Variants in ZNF155 observed in about 807,000 individuals in gnomAD.
The protein encoded by ZNF155 is KRAB A domain.
In ZNF155, 15 loss-of-function variants were observed where a neutral mutation model predicts 11.9. The ratio of observed to expected loss-of-function variants is 1.26; its 90% CI spans 0.84 to 1.94. ZNF155 has a LOEUF of 1.94. ZNF155 is among the 30% of genes most tolerant of loss of function. ZNF155 has a pLI of 0.00. For synonymous variants in ZNF155, 212 were observed against 219.9 expected (o/e 0.96, Z 0.32); for missense variants, 602 against 639.1 (o/e 0.94, Z 0.63).
At position 43,997,625 on chromosome 19, in the gene ZNF155, G is replaced by A. The variant is rs1036773621; in HGVS notation, c.*151G>A. Reference sequence around the variant, plus strand: ...AAAATCCATTTGAGAGGAGTTGGTAGACAGCAAGGGAAGGGTCCCTGGAGA... The same window carrying A: ...AAAATCCATTTGAGAGGAGTTGGTAAACAGCAAGGGAAGGGTCCCTGGAGA... On this transcript the variant is annotated 3_prime_UTR_variant, in exon 5 of 5. Coordinates refer to ENST00000270014, the MANE Select transcript of ZNF155 (RefSeq NM_198089.3). 2.0e-5 allele frequency: 16 copies of A among 784,866 alleles called. No homozygotes were observed. The highest frequency in any genetic ancestry group is 1.6e-4 in the South Asian group (8 of 49,566). The allele number at this position is 784,866 out of a possible 1,614,324, so 48.6% of individuals were successfully genotyped here.
chr19:43,996,169 G>A lies in ZNF155; in HGVS notation c.312G>A (p.Trp104Ter). 2.5e-6 allele frequency: 4 copies of A among 1,614,066 alleles called. No homozygotes were observed. Among genetic ancestry groups the A allele is most frequent in the Non-Finnish European group, 3.4e-6 (4 of 1,179,982 alleles). The change falls in exon 5 of 5, where the codon TGG becomes TGA. Residue 104 changes from tryptophan (W) to a stop codon, truncating the protein, a stop_gained. Coordinates refer to ENST00000270014, the MANE Select transcript of ZNF155 (RefSeq NM_198089.3). LOFTEE classifies it low-confidence loss of function (END_TRUNC). ...AAGAGTGGTCCTGCCAGCAAATCTG[G>A]GAACAAATTGCAAAAGACTTAACCA... ...AHEEWSCQQI[W>*]EQIAKDLTRS...
chr19:43,988,845 C>CT (rs35767372), intron 2 of ZNF155: 113,032 of 322,782 alleles, frequency 0.35, 21,630 homozygotes, highest in East Asian at 0.52. Flanking sequence ...TTTATCTTCT[C>CT]TGCTGTTCGT....
rs750639528 is a variant in ZNF155 at position 43,996,283 on chromosome 19, T to A, written c.426T>A (p.His142Gln). 3 of 1,614,198 alleles carry A rather than the reference T, an allele frequency of 1.9e-6. No individual in the cohort carries two copies. The Admixed American group carries it at 5.0e-5, about 27-fold the overall frequency. ...SQVEAGLPTI[H>Q]TGQKPSQGGK... ...TTGAAGCAGGACTACCCACAATTCATACAGGACAGAAACCTTCCCAGGGTG... is the reference window on the plus strand; with the variant it reads ...TTGAAGCAGGACTACCCACAATTCAAACAGGACAGAAACCTTCCCAGGGTG... The change falls in exon 5 of 5, where the codon CAT (histidine) becomes CAA (glutamine). Residue 142 changes from histidine (H) to glutamine (Q), a missense_variant. By Grantham distance (24) the His-to-Gln change is conservative. Transcript: ENST00000270014.
chr19:43,991,804 T>G, intron 3 of ZNF155, 38 bp from the exon 4 acceptor site: 2 of 1,608,060 alleles, frequency 1.2e-6, no homozygotes, highest in Non-Finnish European at 1.7e-6. Context: ...TTACCCAGAA[T>G]GTGTTGGGAT....
chr19:43,986,449 G>GTTTTTT (rs869271791), intron 1 of ZNF155, among the ~76,000 whole-genome samples: 8 of 58,038 alleles, frequency 1.4e-4, no homozygotes, highest in African/African-American at 2.9e-4. Flanking sequence ...TCCCATTTGT[G>GTTTTTT]TTTTTTTTTT....
chr19:43,984,208 A>G lies in ZNF155; in HGVS notation c.-123A>G, dbSNP rs1975348468. ...GCATCATCGACACTTCCGGTCTCCG[A>G]GCAGGACACTGCTACTTAACAAGGT... On this transcript the variant is annotated 5_prime_UTR_variant, in exon 1 of 5. Transcript: ENST00000270014. The G allele has an allele frequency of 1.3e-5, 2 of 152,160 alleles. No homozygotes were observed. The allele number at this position is 152,160 out of a possible 1,614,324, so 9.4% of individuals were successfully genotyped here. A position where few individuals can be genotyped will look rare whatever the true frequency, so the allele number is the denominator to read the frequency against.
rs187030569 is a variant in ZNF155, at chr19:43,984,512, G to A, written c.-86+267G>A. ...TGCCTGTTTAGAGGGTTTTCCAGGTGTTTGACCTCGTTCAGTCCGCCTCCC... is the reference window on the plus strand; with the variant it reads ...TGCCTGTTTAGAGGGTTTTCCAGGTATTTGACCTCGTTCAGTCCGCCTCCC... On this transcript the variant is annotated intron_variant, in intron 1 of 4. Transcript: ENST00000270014. Among the ~76,000 whole-genome samples the A allele has an allele frequency of 2.6e-5, 4 of 152,076 alleles. No homozygotes were observed. The East Asian group carries it at 7.8e-4, about 30-fold the overall frequency.
At chr19:43,985,619 C>T (rs1449598788) in intron 1 of ZNF155, among the ~76,000 whole-genome samples, 1 of 148,772 alleles carries the variant, frequency 6.7e-6, no homozygotes, top group Non-Finnish European at 1.5e-5. Flanking sequence ...GGGCTCAGTG[C>T]AATAGGCCGC....
intron 1 of ZNF155, among the ~76,000 whole-genome samples, chr19:43,985,583 C>G (rs1015682963): frequency 6.7e-6 from 1 of 149,058 alleles, no homozygotes; most frequent in African/African-American, 2.5e-5. Context: ...CTCTGTCGCC[C>G]AGGCTAGAGT....
In ZNF155 at chr19:43,996,723, A is replaced by G; in HGVS notation, c.866A>G (p.Lys289Arg). The change falls in exon 5 of 5, where the codon AAA (lysine) becomes AGA (arginine). Residue 289 changes from lysine to arginine, a missense_variant. Lys to Arg is a conservative substitution (Grantham distance 26). Coordinates refer to ENST00000270014, the MANE Select transcript of ZNF155 (RefSeq NM_198089.3). Reference sequence around the variant, plus strand: ...ATCCATACTGGGGAGAAACCATTCAAATGTGATATATGTGGTAAGACCTTC... The same window carrying G: ...ATCCATACTGGGGAGAAACCATTCAGATGTGATATATGTGGTAAGACCTTC... ...KRIHTGEKPF[K>R]CDICGKTFYF... 6.2e-7 allele frequency: 1 copy of G among 1,614,122 alleles called. No homozygotes were observed. Among genetic ancestry groups the G allele is most frequent in the Non-Finnish European group, 8.5e-7 (1 of 1,179,998 alleles).
At chr19:43,991,515 T>C (rs746397827) in intron 2 of ZNF155, 33 bp from the exon 3 acceptor site, 5 of 1,613,950 alleles carry the variant, frequency 3.1e-6, no homozygotes, top group Non-Finnish European at 4.2e-6. Flanking sequence ...TCCTTGGTCA[T>C]AAGATTGAAG....
Position 43,997,419 on chromosome 19 carries a change from A to G in ZNF155, c.1562A>G (p.Tyr521Cys). The G allele has an allele frequency of 6.2e-7, 1 of 1,606,522 alleles. No homozygotes were observed. The highest frequency in any genetic ancestry group is 8.5e-7 in the Non-Finnish European group (1 of 1,178,192). ...PSKCEDCGRR[Y>C]KRRLNLDILL... ...AAATGTGAGGATTGTGGGAGACGCTACAAGAGGCGCTTGAATCTGGATATA... is the reference window on the plus strand; with the variant it reads ...AAATGTGAGGATTGTGGGAGACGCTGCAAGAGGCGCTTGAATCTGGATATA... Residue 521 changes from tyrosine to cysteine, a missense_variant, in exon 5 of 5, where the codon TAC becomes TGC. Transcript: ENST00000270014.
In ZNF155 at chr19:43,996,585, G is replaced by T. The variant is rs776521222; in HGVS notation, c.728G>T (p.Arg243Leu). 6.2e-7 allele frequency: 1 copy of T among 1,613,044 alleles called. No individual in the cohort carries two copies. The highest frequency in any genetic ancestry group is 8.5e-7 in the Non-Finnish European group (1 of 1,179,210). The change falls in exon 5 of 5, where the codon CGT (arginine) becomes CTT (leucine). Residue 243 changes from arginine (R) to leucine (L), a missense_variant. Physicochemically the swap from Arg to Leu is moderately radical, Grantham distance 102. Transcript: ENST00000270014. The part of the protein sequence containing the change: ...KCEQCGKGFS[R>L]RSALNVHRKL... ...GAGCAATGTGGGAAAGGTTTCAGTC[G>T]TAGATCAGCACTTAATGTTCATCGT...
In ZNF155 at chr19:43,991,896, G is replaced by A; in HGVS notation, c.197G>A (p.Trp66Ter). ...TCHFLREEKF[W>*]MMGTATQREG... ...CACTTCCTAAGGGAAGAAAAGTTTTGGATGATGGGGACAGCAACCCAAAGA... is the reference window on the plus strand; with the variant it reads ...CACTTCCTAAGGGAAGAAAAGTTTTAGATGATGGGGACAGCAACCCAAAGA... The change falls in exon 4 of 5, where the codon TGG becomes TAG. Residue 66 changes from tryptophan (W) to a stop codon, truncating the protein, a stop_gained. Transcript: ENST00000270014. LOFTEE classifies it low-confidence loss of function (END_TRUNC). 6.2e-7 allele frequency: 1 copy of A among 1,613,888 alleles called. No individual in the cohort carries two copies. Among genetic ancestry groups the A allele is most frequent in the South Asian group, 1.1e-5 (1 of 91,048 alleles).
In ZNF155 at chr19:43,994,348, G is replaced by A. The variant is rs377751943; in HGVS notation, c.236-1745G>A. On this transcript the variant is annotated intron_variant, in intron 4 of 4. Coordinates refer to ENST00000270014, the MANE Select transcript of ZNF155 (RefSeq NM_198089.3). ...AGATGAAGTATTTTACATATGCTGT[G>A]CAAAATTCTTGTGCAGGGATACTTT... 4.6e-4 allele frequency among the ~76,000 whole-genome samples: 70 copies of A among 152,274 alleles called. 1 individual carries two copies. Among genetic ancestry groups the A allele is most frequent in the African/African-American group, 1.6e-3 (68 of 41,562 alleles).
At chr19:43,988,723 T>C in intron 2 of ZNF155, 165 bp downstream of exon 2, 1 of 621,154 alleles carries the variant, frequency 1.6e-6, no homozygotes, top group South Asian at 5.6e-5. Context: ...ATTTGGTTTT[T>C]GGTTTTGCTT....
chr19:43,992,825 G>T (rs1325686886), intron 4 of ZNF155, among the ~76,000 whole-genome samples: 1 of 152,360 alleles, frequency 6.6e-6, no homozygotes. Flanking sequence ...CCTGCTGATG[G>T]CTGCTTATCC....
intron 1 of ZNF155, among the ~76,000 whole-genome samples, chr19:43,986,261 C>T (rs990570231): frequency 2.0e-5 from 3 of 151,876 alleles, no homozygotes; most frequent in African/African-American, 7.3e-5. Context: ...AGTTCTCCTC[C>T]GTTTCTTTTT....
At chr19:43,985,644 C>T (rs1401989033) in intron 1 of ZNF155, among the ~76,000 whole-genome samples, 5 of 150,280 alleles carry the variant, frequency 3.3e-5, no homozygotes, top group Non-Finnish European at 7.4e-5. Flanking sequence ...CAGGTTCAGG[C>T]GATTCTCCTG....
Sources: allele counts gnomAD v4.1 joint callset (sites outside exome capture counted in the v4.1 genomes callset), GRCh38; gene constraint gnomAD v4.1.1; transcripts MANE v1.5; gene names NCBI Gene and HGNC (gene_info 2026-07-23, HGNC 2026-07-21).